Variants in CAMK4 observed in about 807,000 individuals in gnomAD.
CAMK4 encodes the protein calcium/calmodulin-dependent protein kinase type IV.
Under a neutral mutation model 44.9 loss-of-function variants are expected in CAMK4, and 22 were observed. The ratio of observed to expected loss-of-function variants is 0.49; its 90% CI spans 0.35 to 0.70. CAMK4 has a LOEUF of 0.70. Among genes scored for constraint, CAMK4 ranks in the 30% least tolerant of loss-of-function variants. The probability of loss-of-function intolerance (pLI) is 0.01; values close to 1 mark genes in which losing one functional copy is unlikely to be tolerated. For missense variants in CAMK4, 498 were observed against 586.8 expected (o/e 0.85, Z 1.56); for synonymous variants, 218 against 215.4 (o/e 1.01, Z -0.11).
intron 5 of CAMK4, chr5:111,416,420 A>C (rs940140598): frequency 3.6e-4 from 55 of 152,232 alleles, no homozygotes; most frequent in Non-Finnish European, 1.2e-4. Flanking sequence ...AATATTGTTA[A>C]ACAACAAAGA....
chr5:111,445,851 A>T (rs1754007416), intron 5 of CAMK4, among the ~76,000 whole-genome samples: 1 of 151,682 alleles, frequency 6.6e-6, no homozygotes, highest in Non-Finnish European at 1.5e-5. Flanking sequence ...CAGTGTATAT[A>T]GACTCGTTTG....
At chr5:111,361,980 CA>C (rs1362701320) in intron 2 of CAMK4, among the ~76,000 whole-genome samples, 4 of 151,970 alleles carry the variant, frequency 2.6e-5, no homozygotes, top group Non-Finnish European at 5.9e-5. Flanking sequence ...TAGTATGCTG[CA>C]ATTGTAGTGC....
intron 1 of CAMK4, among the ~76,000 whole-genome samples, chr5:111,314,082 G>A (rs560681050): frequency 6.6e-6 from 1 of 152,208 alleles, no homozygotes; most frequent in South Asian, 2.1e-4. Context: ...GTAATAGGAA[G>A]TAATGGAAAA....
intron 5 of CAMK4, among the ~76,000 whole-genome samples, chr5:111,440,031 G>A (rs1285686602): frequency 1.3e-5 from 2 of 152,208 alleles, no homozygotes; most frequent in Admixed American, 6.5e-5. Flanking sequence ...GACTAGAATA[G>A]GAAATAATTG....
At chr5:111,276,774 T>G (rs1014917226) in intron 1 of CAMK4, among the ~76,000 whole-genome samples, 4 of 152,110 alleles carry the variant, frequency 2.6e-5, no homozygotes, top group African/African-American at 9.7e-5. Context: ...CTTAAAGAGT[T>G]AGAAAATAGT....
intron 7 of CAMK4, among the ~76,000 whole-genome samples, chr5:111,455,674 G>A (rs1754390051): frequency 6.6e-6 from 1 of 152,176 alleles, no homozygotes; most frequent in South Asian, 2.1e-4. Flanking sequence ...ACAGATATAT[G>A]GGTGACTACA....
chr5:111,383,018 T>C (rs1751475095), intron 4 of CAMK4, among the ~76,000 whole-genome samples: 2 of 152,192 alleles, frequency 1.3e-5, no homozygotes, highest in South Asian at 4.1e-4. Context: ...ATAGTTTACT[T>C]TTTCTAGAAG....
At position 111,473,437 on chromosome 5, in the gene CAMK4, T is replaced by G. The variant is rs761071617; in HGVS notation, c.701+51T>G. 11 of 1,156,314 alleles carry G rather than the reference T, an allele frequency of 9.5e-6. No homozygotes were observed. The Admixed American group carries it at 1.8e-4, about 19-fold the overall frequency. 71.6% of individuals were successfully genotyped at this position (1,156,314 alleles called of 1,614,324 possible). A position where few individuals can be genotyped will look rare whatever the true frequency, so the allele number is the denominator to read the frequency against. On this transcript the variant is annotated intron_variant, in intron 8 of 10. Transcript: ENST00000282356. Reference sequence around the variant, plus strand: ...GTAAACTATTTACCTTGCTGTGACATTTTCTAGATACCTCTAATGCTCATA... The same window carrying G: ...GTAAACTATTTACCTTGCTGTGACAGTTTCTAGATACCTCTAATGCTCATA...
At chr5:111,240,026 A>C (rs1350242448) in intron 1 of CAMK4, among the ~76,000 whole-genome samples, 1 of 152,222 alleles carries the variant, frequency 6.6e-6, no homozygotes, top group Non-Finnish European at 1.5e-5. Context: ...AAGATTTTCC[A>C]CATCTGCAGA....
intron 1 of CAMK4, among the ~76,000 whole-genome samples, chr5:111,252,287 G>T (rs530510980): frequency 1.2e-4 from 18 of 152,124 alleles, no homozygotes; most frequent in African/African-American, 4.3e-4. Context: ...AGTATCATCC[G>T]TGCCTAGAGA....
At chr5:111,467,546 G>A (rs1238422419) in intron 7 of CAMK4, among the ~76,000 whole-genome samples, 1 of 152,026 alleles carries the variant, frequency 6.6e-6, no homozygotes, top group Non-Finnish European at 1.5e-5. Context: ...CTAAGGACAT[G>A]AATGGACAAT....
At chr5:111,411,484 T>G (rs1051989392) in intron 5 of CAMK4, among the ~76,000 whole-genome samples, 1 of 152,220 alleles carries the variant, frequency 6.6e-6, no homozygotes, top group Non-Finnish European at 1.5e-5. Flanking sequence ...CTCCAAATTA[T>G]TCAGAAATAA....
Position 111,360,698 on chromosome 5 carries a change from A to T in CAMK4, c.241-14152A>T, listed in dbSNP as rs1644494. Among the ~76,000 whole-genome samples, 10 of 152,102 alleles carry T rather than the reference A, an allele frequency of 6.6e-5. No homozygotes were observed. In the South Asian group the frequency reaches 1.4e-3, roughly 22 times the overall value. On this transcript the variant is annotated intron_variant, in intron 2 of 10. Transcript: ENST00000282356. ...GAGAGAGTGCTTTGAGGATGTGCAC[A>T]CCACTGTATGGAGAAAGATGCTGGG...
At chr5:111,433,847 G>A (rs1753549058) in intron 5 of CAMK4, among the ~76,000 whole-genome samples, 1 of 152,118 alleles carries the variant, frequency 6.6e-6, no homozygotes, top group Non-Finnish European at 1.5e-5. Flanking sequence ...ATTTTGAAGG[G>A]CCTTTAATTC....
intron 1 of CAMK4, among the ~76,000 whole-genome samples, chr5:111,283,301 T>C (rs923868189): frequency 6.6e-6 from 1 of 152,144 alleles, no homozygotes; most frequent in African/African-American, 2.4e-5. Context: ...CATTTATTTA[T>C]GACTGTTATA....
At chr5:111,462,874 T>A (rs1267443880) in intron 7 of CAMK4, among the ~76,000 whole-genome samples, 2 of 152,242 alleles carry the variant, frequency 1.3e-5, no homozygotes, top group African/African-American at 4.8e-5. Flanking sequence ...ATACTCAGTC[T>A]CTAAATGTTT....
At chr5:111,300,665 A>G (rs921316931) in intron 1 of CAMK4, among the ~76,000 whole-genome samples, 1 of 152,216 alleles carries the variant, frequency 6.6e-6, no homozygotes, top group South Asian at 2.1e-4. Context: ...GAAACTGCCA[A>G]ACTTCACACC....
chr5:111,419,846 G>A (rs901780196), intron 5 of CAMK4, among the ~76,000 whole-genome samples: 1 of 151,986 alleles, frequency 6.6e-6, no homozygotes, highest in Non-Finnish European at 1.5e-5. Context: ...GGTTACTGTA[G>A]CCTTGTAGTA....
chr5:111,291,793 G>A (rs2112626072), intron 1 of CAMK4, among the ~76,000 whole-genome samples: 1 of 152,296 alleles, frequency 6.6e-6, no homozygotes, highest in African/African-American at 2.4e-5. Flanking sequence ...CTAGAGGTGT[G>A]AGCCAGCGCA....
Sources: allele counts gnomAD v4.1 joint callset (sites outside exome capture counted in the v4.1 genomes callset), GRCh38; gene constraint gnomAD v4.1.1; transcripts MANE v1.5; gene names NCBI Gene and HGNC (gene_info 2026-07-23, HGNC 2026-07-21).